ESR1: variants seen among roughly 807,000 people sequenced by gnomAD.
ESR1 encodes the protein estrogen receptor 1, also known as estrogen receptor.
ESR1 carries 12 observed loss-of-function variants against 52.7 expected under a neutral mutation model. The ratio of observed to expected loss-of-function variants is 0.23; its 90% CI spans 0.15 to 0.37. The LOEUF (loss-of-function observed/expected upper bound fraction) is 0.37. ESR1 is among the 10% of genes least tolerant of loss of function. The probability of loss-of-function intolerance (pLI) is 1.00; values close to 1 mark genes in which losing one functional copy is unlikely to be tolerated. For synonymous variants in ESR1, 305 were observed against 316.8 expected, an observed-to-expected ratio of 0.96 and a Z score of 0.39; for missense variants, 584 against 779.7, an observed-to-expected ratio of 0.75 and a Z score of 2.99.
downstream of ESR1, among the ~76,000 whole-genome samples, chr6:152,103,980 CTTTT>C (rs369261779): frequency 2.1e-5 from 2 of 93,884 alleles, no homozygotes; most frequent in Non-Finnish European, 3.9e-5. Context: ...TTCATTCTAC[CTTTT>C]TTTTTTTTTT....
At chr6:151,843,910 CTT>C (rs397885637) in intron 2 of ESR1, among the ~76,000 whole-genome samples, 44 of 137,610 alleles carry the variant, frequency 3.2e-4, no homozygotes, top group Non-Finnish European at 4.6e-4. Context: ...GCCAGTGGGA[CTT>C]TTTTTTTTTT....
At chr6:151,995,232 A>G (rs894785660) in intron 4 of ESR1, among the ~76,000 whole-genome samples, 2 of 152,188 alleles carry the variant, frequency 1.3e-5, no homozygotes, top group African/African-American at 4.8e-5. Flanking sequence ...TTCTTGTTCC[A>G]GGACAAGTGA....
chr6:151,838,998 G>T (rs1343226731), intron 1 of ESR1, among the ~76,000 whole-genome samples: 1 of 152,070 alleles, frequency 6.6e-6, no homozygotes, highest in South Asian at 2.1e-4. Context: ...TATCTATATT[G>T]TGGAAACTAT....
rs2050969902 is a variant in ESR1, at chr6:152,101,659, C to T, written c.*2693C>T. 4.3e-6 allele frequency: 1 copy of T among 230,412 alleles called. No individual in the cohort carries two copies. 14.3% of individuals were successfully genotyped at this position (230,412 alleles called of 1,614,324 possible). A position where few individuals can be genotyped will look rare whatever the true frequency, so the allele number is the denominator to read the frequency against. On this transcript the variant is annotated 3_prime_UTR_variant, in exon 8 of 8. Transcript: ENST00000206249. The stretch of plus-strand genomic sequence containing the variant: ...TGTAGGAACATGATTTAAAAAAAAA[C>T]TCTTGCCTCTGCTTTCCCCCACTCT...
intron 4 of ESR1, among the ~76,000 whole-genome samples, chr6:151,959,478 T>G (rs796628800): frequency 6.6e-6 from 1 of 152,340 alleles, no homozygotes; most frequent in African/African-American, 2.4e-5. Flanking sequence ...CCCTCTCATC[T>G]TTTTCTCAAT....
At chr6:151,742,808 G>C (rs1026695599) in intron 2 of ESR1, among the ~76,000 whole-genome samples, 1 of 152,144 alleles carries the variant, frequency 6.6e-6, no homozygotes. Context: ...GATATAGCAG[G>C]CATTCAATCA....
chr6:151,956,351 G>A (rs768690199), intron 4 of ESR1, among the ~76,000 whole-genome samples: 1 of 152,168 alleles, frequency 6.6e-6, no homozygotes, highest in African/African-American at 2.4e-5. Flanking sequence ...TTCACAGAAC[G>A]TTCATTCTAC....
chr6:151,776,722 C>T (rs118157364), intron 2 of ESR1, among the ~76,000 whole-genome samples: 17,800 of 151,724 alleles, frequency 0.12, 1,160 homozygotes, highest in Non-Finnish European at 0.13. Context: ...CCTGTAATCC[C>T]AACTACTTTA....
chr6:152,112,760 G>T (rs1370183367), intron 6 of ESR1: 2 of 152,334 alleles, frequency 1.3e-5, no homozygotes, highest in Admixed American at 1.3e-4. Flanking sequence ...GCCCAACCAG[G>T]AAACGAACAA....
At chr6:151,969,166 C>A (rs2038632230) in intron 4 of ESR1, among the ~76,000 whole-genome samples, 1 of 152,148 alleles carries the variant, frequency 6.6e-6, no homozygotes, top group Admixed American at 6.5e-5. Context: ...ACCTGGTTAC[C>A]TCTGATGTGT....
At chr6:151,666,193 GA>G (rs1410342621) in intron 1 of ESR1, among the ~76,000 whole-genome samples, 5 of 152,150 alleles carry the variant, frequency 3.3e-5, no homozygotes, top group African/African-American at 1.2e-4. Context: ...TAGGTTTGGA[GA>G]TATTTTAAAA....
intron 2 of ESR1, among the ~76,000 whole-genome samples, chr6:151,703,105 A>G (rs1230574893): frequency 2.0e-5 from 3 of 152,242 alleles, no homozygotes; most frequent in East Asian, 3.8e-4. Context: ...ACTAAAAACC[A>G]GACTGGCAAA....
At chr6:151,832,688 G>A (rs904846025) in intron 1 of ESR1, among the ~76,000 whole-genome samples, 7 of 152,216 alleles carry the variant, frequency 4.6e-5, no homozygotes, top group South Asian at 2.1e-4. Flanking sequence ...AATTTATTCG[G>A]TAAGTATTTA....
intron 4 of ESR1, among the ~76,000 whole-genome samples, chr6:151,989,326 TTAA>T (rs2040802285): frequency 6.6e-6 from 1 of 152,108 alleles, no homozygotes; most frequent in Non-Finnish European, 1.5e-5. Flanking sequence ...CAGCACAGGT[TTAA>T]TAAATGTTTT....
intron 5 of ESR1, among the ~76,000 whole-genome samples, chr6:152,031,339 T>G (rs570737123): frequency 1.3e-5 from 2 of 152,016 alleles, no homozygotes; most frequent in Non-Finnish European, 2.9e-5. Flanking sequence ...AAAAAATCAA[T>G]GAATCTAGGA....
At chr6:152,022,313 TAGGAA>T (rs1328400267) in intron 5 of ESR1, among the ~76,000 whole-genome samples, 1 of 152,126 alleles carries the variant, frequency 6.6e-6, no homozygotes, top group Non-Finnish European at 1.5e-5. Flanking sequence ...TGATGGAGAT[TAGGAA>T]GACAGGAGAG....
chr6:151,915,250 C>T (rs2029863697), intron 3 of ESR1, among the ~76,000 whole-genome samples: 1 of 151,818 alleles, frequency 6.6e-6, no homozygotes, highest in Admixed American at 6.6e-5. Context: ...TCTCTGCATT[C>T]TCCCTTTCTG....
At position 151,855,194 on chromosome 6, in the gene ESR1, G is replaced by A. The variant is rs7771190; in HGVS notation, c.643+12407G>A. ...CTCCCAAAGTGCTGGGATTACAGGC[G>A]TGAGCCACTGTGCCTGGCTCGTTTT... On this transcript the variant is annotated intron_variant, in intron 2 of 7. Coordinates refer to ENST00000206249, the MANE Select transcript of ESR1 (RefSeq NM_000125.4). Among the ~76,000 whole-genome samples, 107 of 152,284 alleles carry A rather than the reference G, an allele frequency of 7.0e-4. 2 individuals carry two copies. The South Asian group carries it at 0.019, about 27-fold the overall frequency.
At chr6:151,676,343 G>T (rs1490183300) in intron 1 of ESR1, among the ~76,000 whole-genome samples, 2 of 152,176 alleles carry the variant, frequency 1.3e-5, no homozygotes. Context: ...TATTAATAAT[G>T]AAAGTTCCTG....
Sources: gnomAD v4.1 joint callset for allele counts (sites outside exome capture counted in the v4.1 genomes callset) on GRCh38, gnomAD v4.1.1 for gene constraint, MANE v1.5 for transcripts, NCBI Gene and HGNC (gene_info 2026-07-23, HGNC 2026-07-21) for gene names.